The following GSK3B variants were observed in gnomAD, a reference collection of about 807,000 sequenced individuals.
The protein encoded by GSK3B is glycogen synthase kinase 3 beta.
GSK3B carries 15 observed loss-of-function variants against 56.4 expected under a neutral mutation model. The ratio of observed to expected loss-of-function variants is 0.27; its 90% CI spans 0.18 to 0.41. The LOEUF (loss-of-function observed/expected upper bound fraction) is 0.41, where lower values mean the gene tolerates loss of function less well. Among genes scored for constraint, GSK3B ranks in the 10% least tolerant of loss-of-function variants. GSK3B has a pLI of 1.00. For synonymous variants in GSK3B, 181 were observed against 188.9 expected, an observed-to-expected ratio of 0.96 and a Z score of 0.34; for missense variants, 300 against 513.4, an observed-to-expected ratio of 0.58 and a Z score of 4.02.
chr3:119,980,289 A>G (rs2107449782), intron 2 of GSK3B, among the ~76,000 whole-genome samples: 1 of 152,296 alleles, frequency 6.6e-6, no homozygotes, highest in African/African-American at 2.4e-5. Flanking sequence ...AAATACTGTA[A>G]GGTGTCAACA....
intron 2 of GSK3B, among the ~76,000 whole-genome samples, chr3:119,972,522 G>A (rs1041439490): frequency 5.3e-5 from 8 of 151,970 alleles, no homozygotes; most frequent in Non-Finnish European, 1.0e-4. Context: ...TGCAAGCTTC[G>A]CCTCCCAGGT....
intron 1 of GSK3B, among the ~76,000 whole-genome samples, chr3:120,041,715 C>T (rs192010552): frequency 7.9e-5 from 12 of 152,238 alleles, no homozygotes; most frequent in South Asian, 4.1e-4. Flanking sequence ...TACAAAGGTC[C>T]GGCCAAAGTT....
intron 1 of GSK3B, among the ~76,000 whole-genome samples, chr3:120,049,560 C>G (rs1285324526): frequency 6.6e-6 from 1 of 152,132 alleles, no homozygotes; most frequent in Non-Finnish European, 1.5e-5. Flanking sequence ...AGAGACAAAT[C>G]CACATGCCTT....
At chr3:119,885,012 T>C (rs2056419481) in intron 7 of GSK3B, among the ~76,000 whole-genome samples, 1 of 151,840 alleles carries the variant, frequency 6.6e-6, no homozygotes, top group Non-Finnish European at 1.5e-5. Flanking sequence ...GAGAAAAAAA[T>C]AAATGGCATC....
rs2058543484 is a variant in GSK3B, at chr3:120,094,212, T to G, written c.-778A>C. The stretch of plus-strand genomic sequence containing the variant: ...CATGGGAACCCGGCAACCGCTTCCG[T>G]CCCTCGGGGCCCCCTCCCCCGTCCG... On this transcript the variant is annotated 5_prime_UTR_variant, in exon 1 of 11. Transcript: ENST00000264235. The G allele has an allele frequency of 8.9e-6, 2 of 225,496 alleles. No individual in the cohort carries two copies. Among genetic ancestry groups the G allele is most frequent in the South Asian group, 1.3e-4 (1 of 7,562 alleles). The allele number at this position is 225,496 out of a possible 1,614,324, so 14.0% of individuals were successfully genotyped here.
intron 7 of GSK3B, among the ~76,000 whole-genome samples, chr3:119,881,736 T>C (rs749586424): frequency 2.6e-5 from 4 of 152,236 alleles, no homozygotes; most frequent in African/African-American, 2.4e-5. Context: ...GGTTTGGCTA[T>C]GCCCCCACCC....
At chr3:119,935,868 T>C (rs1435648838) in intron 3 of GSK3B, among the ~76,000 whole-genome samples, 1 of 152,172 alleles carries the variant, frequency 6.6e-6, no homozygotes, top group African/African-American at 2.4e-5. Flanking sequence ...AAGTACTGTT[T>C]AGCAACATAT....
In GSK3B at chr3:120,050,404, G is replaced by A. The variant is rs373204473; in HGVS notation, c.88+42943C>T. On this transcript the variant is annotated intron_variant, in intron 1 of 10. Transcript: ENST00000264235. Reference sequence around the variant, plus strand: ...GATTTACAAAGACAGACGGCTAGCCGTATTTGGCTTTATGGGCTATAGTTT... The same window carrying A: ...GATTTACAAAGACAGACGGCTAGCCATATTTGGCTTTATGGGCTATAGTTT... 1.7e-4 allele frequency among the ~76,000 whole-genome samples: 26 copies of A among 152,358 alleles called. No homozygotes were observed. In the South Asian group the frequency reaches 2.5e-3, roughly 15 times the overall value.
chr3:119,875,244 T>C (rs771549600), intron 8 of GSK3B, among the ~76,000 whole-genome samples: 11 of 151,896 alleles, frequency 7.2e-5, no homozygotes, highest in Non-Finnish European at 1.0e-4. Flanking sequence ...AATGAGATTA[T>C]AAGAACTTGA....
At chr3:119,989,539 G>A (rs912141521) in intron 2 of GSK3B, among the ~76,000 whole-genome samples, 2 of 151,764 alleles carry the variant, frequency 1.3e-5, no homozygotes, top group South Asian at 2.1e-4. Context: ...CAAGCTACTC[G>A]GGGGCTGAGA....
chr3:119,887,625 A>C (rs1435570939), intron 7 of GSK3B, among the ~76,000 whole-genome samples: 1 of 152,068 alleles, frequency 6.6e-6, no homozygotes, highest in Non-Finnish European at 1.5e-5. Context: ...ACATGTACAC[A>C]TGTGACTTGA....
chr3:120,026,178 C>T (rs182731273), intron 1 of GSK3B, among the ~76,000 whole-genome samples: 17 of 152,142 alleles, frequency 1.1e-4, no homozygotes, highest in South Asian at 8.3e-4. Flanking sequence ...GGCTAACAAG[C>T]GATACAATAA....
intron 2 of GSK3B, among the ~76,000 whole-genome samples, chr3:119,970,803 AAAC>A (rs1383486625): frequency 1.2e-3 from 170 of 138,734 alleles, no homozygotes; most frequent in Middle Eastern, 3.8e-3. Flanking sequence ...ACAAACAAAC[AAAC>A]AAAAAAAACA....
At chr3:119,996,267 T>A (rs1342486984) in intron 2 of GSK3B, among the ~76,000 whole-genome samples, 1 of 152,244 alleles carries the variant, frequency 6.6e-6, no homozygotes, top group East Asian at 1.9e-4. Flanking sequence ...TGTCTGTACA[T>A]CTTCTCCATC....
Position 119,957,870 on chromosome 3 carries a change from T to C in GSK3B, c.283-10519A>G, listed in dbSNP as rs888366856. Among the ~76,000 whole-genome samples, 4 of 152,136 alleles carry C rather than the reference T, an allele frequency of 2.6e-5. No individual in the cohort carries two copies. The South Asian group carries it at 8.3e-4, about 31-fold the overall frequency. ...TATTACTATGTGCTTGAAAATACAA[T>C]GACAATAAAGGAGGACTTCAGTATT... On this transcript the variant is annotated intron_variant, in intron 2 of 10. Coordinates refer to ENST00000264235, the MANE Select transcript of GSK3B (RefSeq NM_001146156.2).
At chr3:119,866,625 A>G (rs548372014) in intron 8 of GSK3B, 1 of 1,601,172 alleles carries the variant, frequency 6.2e-7, no homozygotes, top group East Asian at 2.2e-5. Flanking sequence ...GTTCCTGACG[A>G]ATCCTAAAGA....
intron 10 of GSK3B, among the ~76,000 whole-genome samples, chr3:119,831,940 T>C (rs1416432316): frequency 6.6e-6 from 1 of 152,132 alleles, no homozygotes; most frequent in Admixed American, 6.5e-5. Context: ...GAAAGGAAGG[T>C]ACAAAATCAT....
intron 6 of GSK3B, among the ~76,000 whole-genome samples, chr3:119,906,330 T>G (rs1192701084): frequency 6.6e-6 from 1 of 152,082 alleles, no homozygotes; most frequent in South Asian, 2.1e-4. Flanking sequence ...TTGATTTTTA[T>G]GTTCTACGAT....
intron 2 of GSK3B, among the ~76,000 whole-genome samples, chr3:119,953,548 CAGAG>C (rs986745678): frequency 1.3e-5 from 2 of 152,246 alleles, no homozygotes; most frequent in Middle Eastern, 3.4e-3. Context: ...CAGAGACAGA[CAGAG>C]AGAGAGACCC....
Sources: gnomAD v4.1 joint callset for allele counts (sites outside exome capture counted in the v4.1 genomes callset) on GRCh38, gnomAD v4.1.1 for gene constraint, MANE v1.5 for transcripts, NCBI Gene and HGNC (gene_info 2026-07-23, HGNC 2026-07-21) for gene names.